The following MCM9 variants were observed in gnomAD, a reference collection of about 807,000 sequenced individuals.
The protein encoded by MCM9 is minichromosome maintenance 9 homologous recombination repair factor.
In MCM9, 55 loss-of-function variants were observed where a neutral mutation model predicts 72.8. That is an observed-to-expected ratio of 0.76 (90% CI 0.61 to 0.95). MCM9 has a LOEUF of 0.95. Ranked by LOEUF, MCM9 falls within the 40% of genes least tolerant of loss-of-function variation. MCM9 has a pLI of 0.00. For synonymous variants in MCM9, 480 were observed against 503.4 expected (o/e 0.95, Z 0.62); for missense variants, 1,279 against 1,377.0 (o/e 0.93, Z 1.13).
chr6:118,885,255 A>T (rs901182713), intron 8 of MCM9, among the ~76,000 whole-genome samples: 4 of 152,088 alleles, frequency 2.6e-5, no homozygotes, highest in Admixed American at 2.6e-4. Flanking sequence ...ATAAAAAAGA[A>T]GATCTCAAAT....
chr6:118,881,683 T>G (rs1778296825), intron 8 of MCM9, among the ~76,000 whole-genome samples: 1 of 152,164 alleles, frequency 6.6e-6, no homozygotes, highest in African/African-American at 2.4e-5. Context: ...TGTGAGGAGC[T>G]CCATGGACAT....
At chr6:118,886,018 C>T (rs916473478) in intron 8 of MCM9, among the ~76,000 whole-genome samples, 3 of 149,680 alleles carry the variant, frequency 2.0e-5, no homozygotes, top group African/African-American at 7.4e-5. Context: ...CCTGAAAAAT[C>T]AATCAATATG....
intron 8 of MCM9, among the ~76,000 whole-genome samples, chr6:118,899,023 C>T (rs1779623659): frequency 1.3e-5 from 2 of 152,154 alleles, no homozygotes; most frequent in African/African-American, 4.8e-5. Context: ...TGCTCCCCTA[C>T]CCCACATCAC....
In MCM9 at chr6:118,844,545, CAA is replaced by C. The variant is rs559790707; in HGVS notation, c.1325+11824_1325+11825del. 2.1e-3 allele frequency among the ~76,000 whole-genome samples: 279 copies of C among 133,938 alleles called. 5 individuals are homozygous for C. Among genetic ancestry groups the C allele is most frequent in the South Asian group, 0.012 (50 of 4,162 alleles). The allele number at this position is 133,938 out of a possible 152,430, so 87.9% of individuals were successfully genotyped here. ...ATGTCAAAAGCAAAGTTAAAAAATA[CAA>C]AAAAAAAAAATTAAAAGGACAACTT... On this transcript the variant is annotated intron_variant, in intron 9 of 13. Coordinates refer to ENST00000619706, the MANE Select transcript of MCM9 (RefSeq NM_017696.3).
At chr6:118,918,626 A>G (rs1205467118) in intron 5 of MCM9, 1 of 152,244 alleles carries the variant, frequency 6.6e-6, no homozygotes, top group South Asian at 2.1e-4. Flanking sequence ...AAAAACAAAC[A>G]TGAAAAAAAT....
intron 8 of MCM9, among the ~76,000 whole-genome samples, chr6:118,865,327 A>T (rs1318900278): frequency 6.6e-6 from 1 of 152,184 alleles, no homozygotes; most frequent in Non-Finnish European, 1.5e-5. Context: ...GGTTTATGCC[A>T]CATATCAAGT....
intron 13 of MCM9, among the ~76,000 whole-genome samples, chr6:118,819,847 G>C (rs1773673248): frequency 6.6e-6 from 1 of 152,092 alleles, no homozygotes; most frequent in Non-Finnish European, 1.5e-5. Context: ...GTTTAGTCTT[G>C]GGAGGGTTTA....
At chr6:118,884,399 A>C (rs776550166) in intron 8 of MCM9, among the ~76,000 whole-genome samples, 1 of 152,168 alleles carries the variant, frequency 6.6e-6, no homozygotes, top group African/African-American at 2.4e-5. Flanking sequence ...GCCCTATAAC[A>C]ACCACTAAGG....
At chr6:118,849,116 A>C (rs1776069991) in intron 9 of MCM9, among the ~76,000 whole-genome samples, 1 of 151,964 alleles carries the variant, frequency 6.6e-6, no homozygotes, top group Non-Finnish European at 1.5e-5. Context: ...ACAGATTGAA[A>C]TCAAAAGGCT....
In MCM9 at chr6:118,815,275, G is replaced by A. The variant is rs1351910743; in HGVS notation, c.2981C>T (p.Ser994Leu). Residue 994 changes from serine to leucine, a missense_variant, in exon 14 of 14, where the codon TCG (serine) becomes TTG (leucine). Coordinates refer to ENST00000619706, the MANE Select transcript of MCM9 (RefSeq NM_017696.3). The part of the protein sequence containing the change: ...SQPQGETKEV[S>L]QQPPEKHGPR... Reference sequence around the variant, plus strand: ...TCCGTGTTTCTCTGGTGGCTGCTGCGACACCTCCTTTGTCTCACCCTGTGG... The same window carrying A: ...TCCGTGTTTCTCTGGTGGCTGCTGCAACACCTCCTTTGTCTCACCCTGTGG... 20 of 1,550,414 alleles carry A rather than the reference G, an allele frequency of 1.3e-5. No homozygotes were observed. In the Middle Eastern group the frequency reaches 8.3e-4, roughly 64 times the overall value.
At chr6:118,862,999 G>A (rs753117688) in intron 8 of MCM9, among the ~76,000 whole-genome samples, 3 of 152,090 alleles carry the variant, frequency 2.0e-5, no homozygotes, top group Non-Finnish European at 2.9e-5. Context: ...AAGTTCTTCA[G>A]AGAAAAGGAA....
At chr6:118,856,327 T>A in intron 9 of MCM9, 44 bp downstream of exon 9, 1 of 1,500,122 alleles carries the variant, frequency 6.7e-7, no homozygotes, top group East Asian at 2.5e-5. Flanking sequence ...TAAGCATATA[T>A]TAAATAATCT....
At position 118,815,437 on chromosome 6, in the gene MCM9, T is replaced by C. The variant is rs781071568; in HGVS notation, c.2819A>G (p.His940Arg). Residue 940 changes from histidine to arginine, a missense_variant, in exon 14 of 14, where the codon CAT becomes CGT. Transcript: ENST00000619706. ...KLIHSFEDHS[H>R]VSPGATKIAV... Reference sequence around the variant, plus strand: ...TATTTTAGTTGCACCAGGTGACACATGGCTGTGATCTTCAAAGGAGTGGAT... The same window carrying C: ...TATTTTAGTTGCACCAGGTGACACACGGCTGTGATCTTCAAAGGAGTGGAT... 5.2e-6 allele frequency: 8 copies of C among 1,550,544 alleles called. No individual in the cohort carries two copies. In the East Asian group the frequency reaches 7.3e-5, roughly 14 times the overall value.
chr6:118,862,269 T>A (rs544738086), intron 8 of MCM9, among the ~76,000 whole-genome samples: 1 of 152,220 alleles, frequency 6.6e-6, no homozygotes, highest in Non-Finnish European at 1.5e-5. Flanking sequence ...GGGAGCCAAC[T>A]TGGTAGCAGG....
At chr6:118,849,689 A>G (rs1242066546) in intron 9 of MCM9, among the ~76,000 whole-genome samples, 1 of 151,790 alleles carries the variant, frequency 6.6e-6, no homozygotes, top group African/African-American at 2.4e-5. Context: ...CTCTTGGGAG[A>G]AAGGGGATAC....
intron 8 of MCM9, among the ~76,000 whole-genome samples, chr6:118,893,393 A>G (rs1288950857): frequency 6.6e-6 from 1 of 151,926 alleles, no homozygotes; most frequent in African/African-American, 2.4e-5. Context: ...TGTTCCTGCT[A>G]TGCTCTCCAA....
At chr6:118,865,448 G>A (rs1293380601) in intron 8 of MCM9, among the ~76,000 whole-genome samples, 2 of 152,168 alleles carry the variant, frequency 1.3e-5, no homozygotes, top group Non-Finnish European at 2.9e-5. Context: ...AGAACAAAGG[G>A]GTGGTCTTGA....
intron 8 of MCM9, among the ~76,000 whole-genome samples, chr6:118,882,312 T>C (rs1346230548): frequency 6.6e-6 from 1 of 152,186 alleles, no homozygotes; most frequent in Non-Finnish European, 1.5e-5. Context: ...AATCTGAATC[T>C]TCCCCCACAA....
intron 8 of MCM9, among the ~76,000 whole-genome samples, chr6:118,871,010 T>G (rs1370655351): frequency 6.6e-6 from 1 of 152,138 alleles, no homozygotes; most frequent in Non-Finnish European, 1.5e-5. Flanking sequence ...CATGGCTGAA[T>G]TTTACCAAAC....
Sources: gnomAD v4.1 joint callset for allele counts (sites outside exome capture counted in the v4.1 genomes callset) on GRCh38, gnomAD v4.1.1 for gene constraint, MANE v1.5 for transcripts, NCBI Gene and HGNC (gene_info 2026-07-23, HGNC 2026-07-21) for gene names.